Variants in KIAA1217 observed in about 807,000 individuals in gnomAD.
KIAA1217 encodes sickle tail protein homolog.
In KIAA1217, 88 loss-of-function variants were observed where a neutral mutation model predicts 163.9. That is an observed-to-expected ratio of 0.54 (90% confidence interval 0.45 to 0.64). The LOEUF (loss-of-function observed/expected upper bound fraction) is 0.64. KIAA1217 is among the 30% of genes least tolerant of loss of function. KIAA1217 has a pLI of 0.00. For synonymous variants in KIAA1217, 903 were observed against 923.1 expected, an observed-to-expected ratio of 0.98 and a Z score of 0.39; for missense variants, 2,372 against 2,475.0, an observed-to-expected ratio of 0.96 and a Z score of 0.88.
At chr10:23,800,875 TG>T (rs1190052721) in intron 1 of KIAA1217, among the ~76,000 whole-genome samples, 1 of 152,138 alleles carries the variant, frequency 6.6e-6, no homozygotes, top group Non-Finnish European at 1.5e-5. Flanking sequence ...ACACTGTTGG[TG>T]GGAGTGTAAA....
At chr10:23,924,535 T>C (rs923299113) in intron 1 of KIAA1217, among the ~76,000 whole-genome samples, 5 of 152,188 alleles carry the variant, frequency 3.3e-5, no homozygotes, top group African/African-American at 1.2e-4. Context: ...AGTAGTGACC[T>C]TAAGGTCACC....
chr10:24,164,628 A>T (rs2065262315), intron 2 of KIAA1217, among the ~76,000 whole-genome samples: 1 of 152,212 alleles, frequency 6.6e-6, no homozygotes, highest in Non-Finnish European at 1.5e-5. Flanking sequence ...AGACACTTAG[A>T]TAGTAGTGGA....
In KIAA1217 at chr10:24,193,960, A is replaced by G. The variant is rs1379624583; in HGVS notation, c.-170-25666A>G. 2.6e-5 allele frequency among the ~76,000 whole-genome samples: 4 copies of G among 151,918 alleles called. No homozygotes were observed. The East Asian group carries it at 5.8e-4, about 22-fold the overall frequency. ...CCCAGCACTTTGGAAGTCTAGGTGGATGGATCACCTGTGGTCAGAAGTTTG... is the reference window on the plus strand; with the variant it reads ...CCCAGCACTTTGGAAGTCTAGGTGGGTGGATCACCTGTGGTCAGAAGTTTG... On this transcript the variant is annotated intron_variant, in intron 2 of 18. Transcript: ENST00000376462.
chr10:24,021,094 A>G (rs949475595), intron 2 of KIAA1217, among the ~76,000 whole-genome samples: 4 of 152,016 alleles, frequency 2.6e-5, no homozygotes, highest in Admixed American at 1.3e-4. Flanking sequence ...AAAGAAATGT[A>G]TAAAGAATTA....
chr10:24,306,072 T>G (rs1046220405), intron 2 of KIAA1217, among the ~76,000 whole-genome samples: 66 of 152,302 alleles, frequency 4.3e-4, no homozygotes, highest in African/African-American at 1.5e-3. Flanking sequence ...CTTATTAACA[T>G]TTCCTGACTC....
intron 2 of KIAA1217, among the ~76,000 whole-genome samples, chr10:24,193,974 G>A (rs1288576818): frequency 6.6e-6 from 1 of 152,024 alleles, no homozygotes; most frequent in Non-Finnish European, 1.5e-5. Context: ...ATCACCTGTG[G>A]TCAGAAGTTT....
At chr10:24,267,186 CCATAAG>C (rs941038564) in intron 2 of KIAA1217, among the ~76,000 whole-genome samples, 1 of 152,136 alleles carries the variant, frequency 6.6e-6, no homozygotes, top group African/African-American at 2.4e-5. Context: ...TTCCTCTTCT[CCATAAG>C]TATAATTAAT....
intron 2 of KIAA1217, among the ~76,000 whole-genome samples, chr10:24,146,450 A>AG: frequency 6.6e-6 from 1 of 152,188 alleles, no homozygotes; most frequent in Non-Finnish European, 1.5e-5. Flanking sequence ...AATTATCATC[A>AG]AGCATTTGTT....
At chr10:24,377,250 GTC>G (rs1182783011) in intron 2 of KIAA1217, among the ~76,000 whole-genome samples, 3 of 152,190 alleles carry the variant, frequency 2.0e-5, no homozygotes, top group Non-Finnish European at 4.4e-5. Flanking sequence ...ATTTGGGGAA[GTC>G]TTTACAAGGT....
At chr10:24,432,348 C>A (rs1355026584) in intron 3 of KIAA1217, among the ~76,000 whole-genome samples, 5 of 151,714 alleles carry the variant, frequency 3.3e-5, no homozygotes, top group Non-Finnish European at 7.4e-5. Context: ...AAACTCTTGA[C>A]CTTAAGTGAT....
chr10:23,973,678 T>C (rs1255728766), intron 1 of KIAA1217, among the ~76,000 whole-genome samples: 1 of 152,248 alleles, frequency 6.6e-6, no homozygotes, highest in African/African-American at 2.4e-5. Context: ...TGTTCACTTC[T>C]GCAAAGGTTA....
intron 2 of KIAA1217, among the ~76,000 whole-genome samples, chr10:24,316,844 T>C (rs970220121): frequency 6.6e-6 from 1 of 152,204 alleles, no homozygotes; most frequent in Non-Finnish European, 1.5e-5. Context: ...CTCAGCATTC[T>C]GTGGTCTTCT....
intron 1 of KIAA1217, among the ~76,000 whole-genome samples, chr10:23,833,167 A>T (rs576681175): frequency 1.3e-5 from 2 of 152,338 alleles, no homozygotes; most frequent in African/African-American, 4.8e-5. Flanking sequence ...CACCTATTTT[A>T]TAAGGCTGTT....
chr10:24,279,426 A>G lies in KIAA1217; in HGVS notation c.354+59517A>G, dbSNP rs529952006. On this transcript the variant is annotated intron_variant, in intron 2 of 20. Transcript: ENST00000376454. ...TTAATACATCATTATAAAATCTACA[A>G]TATTGCTCAAGTGAAGATATTATCA... Among the ~76,000 whole-genome samples, 15 of 152,062 alleles carry G rather than the reference A, an allele frequency of 9.9e-5. No individual in the cohort carries two copies. The East Asian group carries it at 1.5e-3, about 16-fold the overall frequency.
intron 1 of KIAA1217, among the ~76,000 whole-genome samples, chr10:23,808,429 C>T (rs1836842258): frequency 6.6e-6 from 1 of 152,120 alleles, no homozygotes; most frequent in East Asian, 1.9e-4. Context: ...AGAAGAAAAA[C>T]CATAGGATTG....
rs183033629 is a variant in KIAA1217 at position 24,000,430 on chromosome 10, G to T, written c.-320-6795G>T. ...CCACCATGTGAAGAAGGACAGGTTT[G>T]CTTCGCCTTCTGCCATAATTGTAAG... On this transcript the variant is annotated intron_variant, in intron 1 of 18. Transcript: ENST00000376462. Among the ~76,000 whole-genome samples the T allele has an allele frequency of 3.0e-3, 461 of 152,308 alleles. 6 individuals carry two copies. The highest frequency in any genetic ancestry group is 0.011 in the African/African-American group (446 of 41,560).
chr10:24,074,303 C>G (rs552069179), intron 2 of KIAA1217, among the ~76,000 whole-genome samples: 1 of 152,042 alleles, frequency 6.6e-6, no homozygotes, highest in African/African-American at 2.4e-5. Flanking sequence ...GAGCTGAGAT[C>G]GTGTCACTGC....
At chr10:24,302,189 C>T (rs994582533) in intron 2 of KIAA1217, among the ~76,000 whole-genome samples, 4 of 152,192 alleles carry the variant, frequency 2.6e-5, no homozygotes, top group Non-Finnish European at 4.4e-5. Context: ...AGCATTTTCA[C>T]TTAGCACCCT....
intron 2 of KIAA1217, among the ~76,000 whole-genome samples, chr10:24,064,323 C>T (rs1212781198): frequency 6.6e-6 from 1 of 152,056 alleles, no homozygotes; most frequent in Non-Finnish European, 1.5e-5. Context: ...CCCATCAATA[C>T]CTAATTTATT....
Sources: gnomAD v4.1 joint callset for allele counts (sites outside exome capture counted in the v4.1 genomes callset) on GRCh38, gnomAD v4.1.1 for gene constraint, MANE v1.5 for transcripts, NCBI Gene and HGNC (gene_info 2026-07-23, HGNC 2026-07-21) for gene names.